Variants in ZNF407 observed in about 807,000 individuals in gnomAD.
ZNF407 encodes the protein zinc finger protein 407.
ZNF407 carries 17 observed loss-of-function variants against 131.2 expected under a neutral mutation model. The ratio of observed to expected loss-of-function variants is 0.13; its 90% CI spans 0.09 to 0.19. The LOEUF is 0.19. Ranked by LOEUF, ZNF407 falls within the 10% of genes least tolerant of loss-of-function variation. The probability of loss-of-function intolerance (pLI) is 1.00; values close to 1 mark genes in which losing one functional copy is unlikely to be tolerated. For synonymous variants in ZNF407, 1,156 were observed against 1,062.0 expected (o/e 1.09, Z -1.72); for missense variants, 2,681 against 2,830.6 (o/e 0.95, Z 1.20).
At chr18:74,953,313 C>G (rs1972237283) in intron 8 of ZNF407, among the ~76,000 whole-genome samples, 1 of 152,198 alleles carries the variant, frequency 6.6e-6, no homozygotes, top group African/African-American at 2.4e-5. Flanking sequence ...ATGCCGCCTT[C>G]TGTGGTGGAT....
chr18:74,985,840 C>A (rs997534947), intron 8 of ZNF407, among the ~76,000 whole-genome samples: 1 of 152,168 alleles, frequency 6.6e-6, no homozygotes, highest in Non-Finnish European at 1.5e-5. Context: ...AACCTTAGAC[C>A]ACACTTTTTC....
At chr18:74,846,253 G>T (rs1970701007) in intron 4 of ZNF407, among the ~76,000 whole-genome samples, 2 of 152,100 alleles carry the variant, frequency 1.3e-5, no homozygotes, top group Non-Finnish European at 2.9e-5. Context: ...CTAACAAACA[G>T]CTTAAAGTAG....
intron 3 of ZNF407, among the ~76,000 whole-genome samples, chr18:74,742,545 G>A (rs1453862986): frequency 6.6e-6 from 1 of 152,122 alleles, no homozygotes; most frequent in African/African-American, 2.4e-5. Flanking sequence ...TGTTGATTGA[G>A]TACTCAACTC....
chr18:74,674,183 C>T lies in ZNF407; in HGVS notation c.4802+33061C>T, dbSNP rs559553846. Among the ~76,000 whole-genome samples the T allele has an allele frequency of 3.2e-4, 49 of 152,290 alleles. No individual in the cohort carries two copies. In the South Asian group the frequency reaches 9.9e-3, roughly 31 times the overall value. On this transcript the variant is annotated intron_variant, in intron 3 of 8. Coordinates refer to ENST00000299687, the MANE Select transcript of ZNF407 (RefSeq NM_017757.3). The stretch of plus-strand genomic sequence containing the variant: ...ATGGTTGCTACCTTCACTCCCTCAC[C>T]ACTTAATGTGTCCTTTCTCAGGCCT...
intron 4 of ZNF407, among the ~76,000 whole-genome samples, chr18:74,865,914 G>A (rs1971004115): frequency 6.6e-6 from 1 of 152,140 alleles, no homozygotes. Flanking sequence ...TTACCTCAAA[G>A]ACATTGCTTA....
At chr18:74,657,766 G>A (rs779796905) in intron 3 of ZNF407, among the ~76,000 whole-genome samples, 26 of 152,146 alleles carry the variant, frequency 1.7e-4, no homozygotes, top group Admixed American at 5.9e-4. Context: ...AAATACTGTC[G>A]TCCACCCTGG....
intron 4 of ZNF407, among the ~76,000 whole-genome samples, chr18:74,836,671 T>C (rs2145125600): frequency 6.6e-6 from 1 of 152,344 alleles, no homozygotes; most frequent in Admixed American, 6.5e-5. Flanking sequence ...GTCTGAGTTA[T>C]AGTAAAGGTA....
intron 8 of ZNF407, among the ~76,000 whole-genome samples, chr18:74,951,452 A>G (rs1972213206): frequency 6.6e-6 from 1 of 152,188 alleles, no homozygotes; most frequent in East Asian, 1.9e-4. Context: ...AAACTGCAGA[A>G]CACTGAGCGT....
In ZNF407 at chr18:74,633,799, GC is replaced by G; in HGVS notation, c.2782del (p.Glu929LysfsTer11). On this transcript the variant is annotated frameshift_variant, in exon 2 of 9. Coordinates refer to ENST00000299687, the MANE Select transcript of ZNF407 (RefSeq NM_017757.3). LOFTEE classifies it high-confidence loss of function. ...ATCATTGTTGGCCCTGAAGGGGGTA[GC>G]CTTGAAGCTGGTAAAAAGAATGCTG... is the stretch of plus-strand genomic sequence containing the variant. ...SDIIVGPEGG[S>X]LEAGKKNAGS... The G allele has an allele frequency of 6.2e-7, 1 of 1,613,936 alleles. No individual in the cohort carries two copies.
At chr18:74,993,452 G>C (rs1310440986) in intron 8 of ZNF407, among the ~76,000 whole-genome samples, 4 of 152,200 alleles carry the variant, frequency 2.6e-5, no homozygotes, top group Non-Finnish European at 5.9e-5. Flanking sequence ...CATCCATAGG[G>C]TTGTAAGCCA....
At chr18:74,808,114 G>C (rs1262046125) in intron 4 of ZNF407, among the ~76,000 whole-genome samples, 1 of 152,004 alleles carries the variant, frequency 6.6e-6, no homozygotes, top group African/African-American at 2.4e-5. Context: ...CCGAGGTTCA[G>C]ATGATTCTCC....
intron 4 of ZNF407, among the ~76,000 whole-genome samples, chr18:74,812,370 A>G (rs1382817533): frequency 6.6e-6 from 1 of 152,216 alleles, no homozygotes; most frequent in Non-Finnish European, 1.5e-5. Context: ...TTTCACATAT[A>G]CTACCTTCAA....
intron 4 of ZNF407, among the ~76,000 whole-genome samples, chr18:74,844,136 T>TC (rs1568238322): frequency 6.6e-6 from 1 of 152,148 alleles, no homozygotes; most frequent in African/African-American, 2.4e-5. Context: ...ACTGCCCTGC[T>TC]CCTCTACATG....
At chr18:74,937,840 T>C (rs2930551) in intron 8 of ZNF407, among the ~76,000 whole-genome samples, 34,071 of 152,134 alleles carry the variant, frequency 0.22, 5,021 homozygotes, top group African/African-American at 0.4. Flanking sequence ...AATTTAATTA[T>C]GTAACCATAT....
At chr18:75,013,473 A>G (rs1286385811) in intron 8 of ZNF407, among the ~76,000 whole-genome samples, 2 of 152,142 alleles carry the variant, frequency 1.3e-5, no homozygotes, top group African/African-American at 4.8e-5. Flanking sequence ...AAGGCCCCTA[A>G]GAGGTTTTGT....
At chr18:74,905,259 G>T (rs1032579291) in intron 7 of ZNF407, 7 of 152,196 alleles carry the variant, frequency 4.6e-5, no homozygotes, top group African/African-American at 1.7e-4. Context: ...CATATAAACC[G>T]AAGCAGTAAT....
intron 3 of ZNF407, among the ~76,000 whole-genome samples, chr18:74,709,634 G>A (rs916763342): frequency 3.3e-5 from 5 of 152,274 alleles, no homozygotes; most frequent in African/African-American, 9.6e-5. Flanking sequence ...ATGTCAGTGC[G>A]ATAGCATTGA....
intron 8 of ZNF407, among the ~76,000 whole-genome samples, chr18:75,056,129 T>C (rs1973559326): frequency 6.6e-6 from 1 of 152,250 alleles, no homozygotes; most frequent in South Asian, 2.1e-4. Context: ...CTATGATATG[T>C]CTAACTTGTC....
intron 8 of ZNF407, among the ~76,000 whole-genome samples, chr18:74,941,425 T>G (rs1377728444): frequency 6.6e-6 from 1 of 152,178 alleles, no homozygotes; most frequent in Non-Finnish European, 1.5e-5. Flanking sequence ...GAACCTGCTT[T>G]CATGTAGCTC....
Sources: allele counts gnomAD v4.1 joint callset (sites outside exome capture counted in the v4.1 genomes callset), GRCh38; gene constraint gnomAD v4.1.1; transcripts MANE v1.5; gene names NCBI Gene and HGNC (gene_info 2026-07-23, HGNC 2026-07-21).